The following EIF3K variants were observed in gnomAD, a reference collection of about 807,000 sequenced individuals.
The protein encoded by EIF3K is eIF-3 p28.
EIF3K carries 27 observed loss-of-function variants against 34.2 expected under a neutral mutation model. The observed-to-expected ratio is 0.79, with a 90% CI of 0.58 to 1.09. The LOEUF is 1.09. Among genes scored for constraint, EIF3K ranks in the 50% least tolerant of loss-of-function variants. The pLI is 0.00. For synonymous variants in EIF3K, 105 were observed against 105.7 expected (o/e 0.99, Z 0.04); for missense variants, 232 against 275.4 (o/e 0.84, Z 1.11).
At chr19:38,635,412 C>A in intron 7 of EIF3K, 1 of 452,704 alleles carries the variant, frequency 2.2e-6, no homozygotes, top group Non-Finnish European at 3.9e-6. Flanking sequence ...TTATTTGTCC[C>A]TGAGGCCTGT....
intron 6 of EIF3K, among the ~76,000 whole-genome samples, chr19:38,633,898 A>C (rs1265618223): frequency 6.6e-6 from 1 of 150,996 alleles, no homozygotes. Context: ...GCTTGAGCCC[A>C]GGAGCAGAGG....
At chr19:38,631,860 G>A (rs1458474362) in intron 4 of EIF3K, among the ~76,000 whole-genome samples, 3 of 152,154 alleles carry the variant, frequency 2.0e-5, no homozygotes, top group Admixed American at 2.0e-4. Context: ...TGACTCTCAA[G>A]GAGCATGCTG....
chr19:38,620,223 C>A, intron 1 of EIF3K, 114 bp from the exon 2 acceptor site: 1 of 800,304 alleles, frequency 1.2e-6, no homozygotes, highest in South Asian at 1.5e-5. Flanking sequence ...GTGGCCAGTG[C>A]CAGATTTAGA....
rs1976137527 is a variant in EIF3K at position 38,634,262 on chromosome 19, A to C, written c.500-731A>C. 2.3e-5 allele frequency among the ~76,000 whole-genome samples: 3 copies of C among 131,086 alleles called. No homozygotes were observed. The Admixed American group carries it at 2.5e-4, about 11-fold the overall frequency. The allele number at this position is 131,086 out of a possible 152,430, so 86.0% of individuals were successfully genotyped here. A position where few individuals can be genotyped will look rare whatever the true frequency, so the allele number is the denominator to read the frequency against. On this transcript the variant is annotated intron_variant, in intron 6 of 7. Coordinates refer to ENST00000248342, the MANE Select transcript of EIF3K (RefSeq NM_013234.4). ...TAGGCCTCTGCCACCTCGCCCAGCT[A>C]ATTTTTTTTTTTTTTTTTTTTTTAG...
chr19:38,627,578 C>T (rs1421082843), intron 4 of EIF3K, among the ~76,000 whole-genome samples: 2 of 151,866 alleles, frequency 1.3e-5, no homozygotes, highest in Admixed American at 6.6e-5. Context: ...GCAGGAGAAT[C>T]ACTTGAACCC....
intron 7 of EIF3K, chr19:38,635,578 C>G (rs1976172739): frequency 9.5e-6 from 2 of 209,984 alleles, no homozygotes; most frequent in Non-Finnish European, 2.0e-5. Context: ...GCAACAGTAA[C>G]TATGATAAAC....
rs745802177 is a variant in EIF3K, at chr19:38,619,274, G to T, written c.6G>T (p.Ala2=). ...TGTGGAAGGCGACAGAAGTCATGGC[G>T]ATGTTTGAGCAGATGAGAGCCAACG... The part of the protein sequence containing the change: M[A]MFEQMRANVG... Residue 2 remains alanine (A), a synonymous_variant, in exon 1 of 8, where the codon GCG becomes GCT. Transcript: ENST00000248342. The T allele has an allele frequency of 6.2e-7, 1 of 1,614,024 alleles. No homozygotes were observed. The highest frequency in any genetic ancestry group is 8.5e-7 in the Non-Finnish European group (1 of 1,179,922).
chr19:38,622,085 GCTTT>G (rs1221113549), intron 2 of EIF3K, among the ~76,000 whole-genome samples: 1 of 148,742 alleles, frequency 6.7e-6, no homozygotes, highest in Non-Finnish European at 1.5e-5. Flanking sequence ...TTACTTGGGT[GCTTT>G]CTTTCTTTCC....
rs147020583 is a variant in EIF3K at position 38,632,656 on chromosome 19, C to T, written c.477C>T (p.Ala159=). The change falls in exon 6 of 8, where the codon GCC becomes GCT. Residue 159 remains alanine, a synonymous_variant. Coordinates refer to ENST00000248342, the MANE Select transcript of EIF3K (RefSeq NM_013234.4). ...AGCACATTGACCGCTGGCTGCTGGC[C>T]GAGATGCTCGGGGATCTGTCGGGTA... ...TYQHIDRWLL[A]EMLGDLSDSQ... is the part of the protein sequence containing the mutation. 186 of 1,613,454 alleles carry T rather than the reference C, an allele frequency of 1.2e-4. No individual in the cohort carries two copies. The highest frequency in any genetic ancestry group is 1.5e-4 in the Non-Finnish European group (174 of 1,179,760).
At chr19:38,620,694 G>A (rs1975820542) in intron 2 of EIF3K, among the ~76,000 whole-genome samples, 1 of 152,046 alleles carries the variant, frequency 6.6e-6, no homozygotes, top group African/African-American at 2.4e-5. Flanking sequence ...GGGAGTTTGA[G>A]ACCAGCCTGG....
rs2232994 is a variant in EIF3K at position 38,619,221 on chromosome 19, C to T, written c.-48C>T. The T allele has an allele frequency of 1.3e-3, 2,089 of 1,600,894 alleles. 19 individuals are homozygous for T. The highest frequency in any genetic ancestry group is 0.011 in the South Asian group (1,021 of 90,392). Reference sequence around the variant, plus strand: ...GTTCCCGTCCTTGAGGACGCCGTGCCGGGTCAGTGTTAGCCTCCAGCCCTG... The same window carrying T: ...GTTCCCGTCCTTGAGGACGCCGTGCTGGGTCAGTGTTAGCCTCCAGCCCTG... On this transcript the variant is annotated 5_prime_UTR_variant, in exon 1 of 8. Coordinates refer to ENST00000248342, the MANE Select transcript of EIF3K (RefSeq NM_013234.4).
rs1050863534 is a variant in EIF3K at position 38,632,466 on chromosome 19, A to G, written c.391A>G (p.Ile131Val). Residue 131 changes from isoleucine (I) to valine (V), a missense_variant, in exon 5 of 8, where the codon ATA becomes GTA. Transcript: ENST00000248342. ...LDENMDLLEG[I>V]TGFEDSVRKF... ...TGAAAACATGGACCTCTTGGAAGGT[A>G]TAACTGGCTTTGAAGACTCTGTCCG... The G allele has an allele frequency of 6.2e-7, 1 of 1,614,118 alleles. No individual in the cohort carries two copies. Among genetic ancestry groups the G allele is most frequent in the African/African-American group, 1.3e-5 (1 of 74,950 alleles).
At position 38,619,193 on chromosome 19, in the gene EIF3K, C is replaced by G; in HGVS notation, c.-76C>G. 1 of 1,543,830 alleles carries G rather than the reference C, an allele frequency of 6.5e-7. No individual in the cohort carries two copies. The highest frequency in any genetic ancestry group is 8.9e-7 in the Non-Finnish European group (1 of 1,123,984). On this transcript the variant is annotated 5_prime_UTR_variant, in exon 1 of 8. Coordinates refer to ENST00000248342, the MANE Select transcript of EIF3K (RefSeq NM_013234.4). ...GTCGTTTCCGTTTCCACCACCTCTT[C>G]CTGTTCCCGTCCTTGAGGACGCCGT...
At chr19:38,625,853 A>G (rs559633393) in intron 3 of EIF3K, among the ~76,000 whole-genome samples, 175 bp from the exon 4 acceptor site, 2 of 152,296 alleles carry the variant, frequency 1.3e-5, no homozygotes, top group South Asian at 4.1e-4. Flanking sequence ...CCTGCAGCCA[A>G]CATCCTTTCT....
At chr19:38,619,497 C>T (rs1975790316) in intron 1 of EIF3K, among the ~76,000 whole-genome samples, 170 bp downstream of exon 1, 1 of 152,148 alleles carries the variant, frequency 6.6e-6, no homozygotes, top group African/African-American at 2.4e-5. Context: ...GGTAGTGGCT[C>T]ACGCCTGTGA....
intron 3 of EIF3K, 125 bp downstream of exon 3, chr19:38,624,322 G>A (rs1423408725): frequency 1.6e-5 from 23 of 1,446,350 alleles, no homozygotes; most frequent in Non-Finnish European, 2.1e-5. Context: ...GGTCCAGCGT[G>A]GCAAGGTGCT....
At chr19:38,621,564 G>T (rs1298845812) in intron 2 of EIF3K, among the ~76,000 whole-genome samples, 1 of 152,164 alleles carries the variant, frequency 6.6e-6, no homozygotes, top group Non-Finnish European at 1.5e-5. Context: ...TGCCCCCTAT[G>T]CTCTATGCCA....
chr19:38,632,548 C>T (rs1976092870), intron 5 of EIF3K, 52 bp downstream of exon 5: 2 of 1,613,480 alleles, frequency 1.2e-6, no homozygotes, highest in East Asian at 2.2e-5. Flanking sequence ...TAGGGAGTGG[C>T]AGCCAGGTCC....
intron 1 of EIF3K, among the ~76,000 whole-genome samples, chr19:38,619,723 C>T (rs1975797704): frequency 6.6e-6 from 1 of 152,206 alleles, no homozygotes; most frequent in African/African-American, 2.4e-5. Flanking sequence ...TTAATCTCTC[C>T]CTTCTCTGCT....
Sources: gnomAD v4.1 joint callset for allele counts (sites outside exome capture counted in the v4.1 genomes callset) on GRCh38, gnomAD v4.1.1 for gene constraint, MANE v1.5 for transcripts, NCBI Gene and HGNC (gene_info 2026-07-23, HGNC 2026-07-21) for gene names.